SNTB1: variants seen among roughly 807,000 people sequenced by gnomAD.
SNTB1 encodes the protein syntrophin beta 1.
A neutral mutation model predicts 48.9 loss-of-function variants in SNTB1; 36 were observed. The ratio of observed to expected loss-of-function variants is 0.74; its 90% CI spans 0.56 to 0.97. The LOEUF (loss-of-function observed/expected upper bound fraction) is 0.97, where lower values mean the gene tolerates loss of function less well. Among genes scored for constraint, SNTB1 ranks in the 50% least tolerant of loss-of-function variants. The probability of loss-of-function intolerance (pLI) is 0.00; values close to 1 mark genes in which losing one functional copy is unlikely to be tolerated. For synonymous variants in SNTB1, 299 were observed against 294.6 expected, an observed-to-expected ratio of 1.01 and a Z score of -0.15; for missense variants, 786 against 703.4, an observed-to-expected ratio of 1.12 and a Z score of -1.33.
intron 2 of SNTB1, among the ~76,000 whole-genome samples, chr8:120,638,611 G>A (rs1411192538): frequency 6.6e-6 from 1 of 152,032 alleles, no homozygotes; most frequent in African/African-American, 2.4e-5. Flanking sequence ...CTGTGTCCAA[G>A]TGTTCTTATT....
chr8:120,637,169 G>C (rs919273129), intron 2 of SNTB1: 1 of 315,970 alleles, frequency 3.2e-6, no homozygotes, highest in Non-Finnish European at 6.4e-6. Context: ...AAGCAAACAT[G>C]GGGGAGAGCA....
Position 120,745,576 on chromosome 8 carries a change from G to A in SNTB1, c.572-51668C>T, listed in dbSNP as rs546670036. Among the ~76,000 whole-genome samples, 16 of 152,168 alleles carry A rather than the reference G, an allele frequency of 1.1e-4. No homozygotes were observed. In the East Asian group the frequency reaches 3.1e-3, roughly 29 times the overall value. On this transcript the variant is annotated intron_variant, in intron 1 of 6. Coordinates refer to ENST00000517992, the MANE Select transcript of SNTB1 (RefSeq NM_021021.4). ...GTTTCTTTTTCCACCTACTCCTTGG[G>A]AGGAGCCCTTCCTAGCTCCCTCATT...
At chr8:120,688,226 A>T (rs1818066374) in intron 2 of SNTB1, among the ~76,000 whole-genome samples, 1 of 152,198 alleles carries the variant, frequency 6.6e-6, no homozygotes, top group African/African-American at 2.4e-5. Context: ...AGCCTCATAA[A>T]CTACCCATTG....
Position 120,811,579 on chromosome 8 carries a change from C to G in SNTB1, c.265G>C (p.Ala89Pro). 1 of 1,560,060 alleles carries G rather than the reference C, an allele frequency of 6.4e-7. No homozygotes were observed. Among genetic ancestry groups the G allele is most frequent in the East Asian group, 2.4e-5 (1 of 41,576 alleles). ...TCGGTGAAAGCGGTGCGGACCCCGG[C>G]GGGCGAGTCCGGGGGCTGCGCGCCG... ...AGGAQPPDSP[A>P]GVRTAFTDLP... is the part of the protein sequence containing the mutation. The change falls in exon 1 of 7, where the codon GCC becomes CCC. Residue 89 changes from alanine to proline, a missense_variant. Ala to Pro is a conservative substitution (Grantham distance 27). Transcript: ENST00000517992.
intron 1 of SNTB1, among the ~76,000 whole-genome samples, chr8:120,787,375 C>G (rs1819941834): frequency 6.6e-6 from 1 of 151,952 alleles, no homozygotes; most frequent in Admixed American, 6.5e-5. Context: ...GATTCAAACC[C>G]AAATGCAATC....
chr8:120,762,015 T>C lies in SNTB1; in HGVS notation c.571+49258A>G, dbSNP rs79955756. Among the ~76,000 whole-genome samples, 140 of 152,308 alleles carry C rather than the reference T, an allele frequency of 9.2e-4. 3 individuals carry two copies. The East Asian group carries it at 0.026, about 28-fold the overall frequency. On this transcript the variant is annotated intron_variant, in intron 1 of 6. Transcript: ENST00000517992. ...GATTCTTTACCAAAAATGTCTCTGATACATTTTCAAGAACAACCTGTTTTT... is the reference window on the plus strand; with the variant it reads ...GATTCTTTACCAAAAATGTCTCTGACACATTTTCAAGAACAACCTGTTTTT...
chr8:120,760,837 GA>G (rs910828971), intron 1 of SNTB1, among the ~76,000 whole-genome samples: 2 of 151,620 alleles, frequency 1.3e-5, no homozygotes, highest in Non-Finnish European at 1.5e-5. Flanking sequence ...ACTAAGGGGT[GA>G]AAAAAACCCT....
chr8:120,557,626 C>G (rs1401585358), intron 4 of SNTB1, among the ~76,000 whole-genome samples: 3 of 152,198 alleles, frequency 2.0e-5, no homozygotes, highest in Non-Finnish European at 4.4e-5. Flanking sequence ...CATCCCTCCT[C>G]TGTATTCCCA....
At chr8:120,634,987 G>A (rs1817050460) in intron 2 of SNTB1, among the ~76,000 whole-genome samples, 1 of 152,036 alleles carries the variant, frequency 6.6e-6, no homozygotes, top group Non-Finnish European at 1.5e-5. Flanking sequence ...GAGTAGCTGG[G>A]ACCACAGGCA....
Position 120,575,090 on chromosome 8 carries a change from T to G in SNTB1, c.1132A>C (p.Thr378Pro). Reference protein sequence around the residue: ...SPVHTYPLLATRLVHSGPGKG... With the variant: ...SPVHTYPLLAPRLVHSGPGKG... ...CAAACACAAGGCCATGGCTACCTGG[T>G]GGCAAGAAGAGGGTATGTGTGAACT... Residue 378 changes from threonine (T) to proline (P), a missense_variant, in exon 4 of 7, where the codon ACC (threonine) becomes CCC (proline). Physicochemically the swap from Thr to Pro is conservative, Grantham distance 38. Transcript: ENST00000517992. 6.2e-7 allele frequency: 1 copy of G among 1,614,186 alleles called. No individual in the cohort carries two copies. Among genetic ancestry groups the G allele is most frequent in the Non-Finnish European group, 8.5e-7 (1 of 1,180,008 alleles).
At chr8:120,589,015 C>T (rs1816195740) in intron 3 of SNTB1, among the ~76,000 whole-genome samples, 1 of 152,170 alleles carries the variant, frequency 6.6e-6, no homozygotes, top group African/African-American at 2.4e-5. Context: ...TGACCAGTCT[C>T]CTTGGATTCC....
chr8:120,762,545 T>C (rs1362450173), intron 1 of SNTB1, among the ~76,000 whole-genome samples: 1 of 152,176 alleles, frequency 6.6e-6, no homozygotes, highest in Non-Finnish European at 1.5e-5. Context: ...AGCTTCTCCT[T>C]GATTTTGCAA....
At chr8:120,803,520 T>C (rs1380502439) in intron 1 of SNTB1, among the ~76,000 whole-genome samples, 1 of 152,200 alleles carries the variant, frequency 6.6e-6, no homozygotes, top group Non-Finnish European at 1.5e-5. Context: ...TCATTTGAAA[T>C]GGAACGCTTA....
intron 4 of SNTB1, among the ~76,000 whole-genome samples, chr8:120,551,340 T>C (rs977251092): frequency 2.0e-5 from 3 of 151,684 alleles, no homozygotes; most frequent in Non-Finnish European, 4.4e-5. Flanking sequence ...AATCCAGAAA[T>C]TAAATAGCTC....
intron 2 of SNTB1, among the ~76,000 whole-genome samples, chr8:120,689,770 T>C (rs558025320): frequency 6.1e-4 from 93 of 152,342 alleles, no homozygotes; most frequent in Non-Finnish European, 1.2e-3. Context: ...TTTGTGTGGT[T>C]TGGTTTTGTT....
At chr8:120,657,400 T>C (rs1817519989) in intron 2 of SNTB1, among the ~76,000 whole-genome samples, 1 of 152,212 alleles carries the variant, frequency 6.6e-6, no homozygotes, top group Non-Finnish European at 1.5e-5. Flanking sequence ...TTTGATTAAA[T>C]GGTAGCGGTT....
intron 3 of SNTB1, among the ~76,000 whole-genome samples, chr8:120,604,118 A>G (rs1816471588): frequency 6.6e-6 from 1 of 152,212 alleles, no homozygotes; most frequent in South Asian, 2.1e-4. Context: ...GTGTAAGTTG[A>G]GGATGCCAAG....
At chr8:120,579,234 A>G (rs1054301339) in intron 3 of SNTB1, among the ~76,000 whole-genome samples, 10 of 152,128 alleles carry the variant, frequency 6.6e-5, no homozygotes, top group Non-Finnish European at 1.5e-4. Context: ...CAAACAATTG[A>G]AAGAGACTTT....
At chr8:120,596,079 T>C (rs1192549976) in intron 3 of SNTB1, among the ~76,000 whole-genome samples, 1 of 152,174 alleles carries the variant, frequency 6.6e-6, no homozygotes, top group Non-Finnish European at 1.5e-5. Context: ...TTCAATGACA[T>C]ACGTATAATC....
Sources: allele counts gnomAD v4.1 joint callset (sites outside exome capture counted in the v4.1 genomes callset), GRCh38; gene constraint gnomAD v4.1.1; transcripts MANE v1.5; gene names NCBI Gene and HGNC (gene_info 2026-07-23, HGNC 2026-07-21).